Variants in CLECL1 observed in about 807,000 individuals in gnomAD.
CLECL1 encodes C-type lectin-like domain family 1.
chr12:9,730,449 T>C (rs766054160), intron 1 of CLECL1, among the ~76,000 whole-genome samples: 2 of 152,250 alleles, frequency 1.3e-5, no homozygotes, highest in Non-Finnish European at 2.9e-5. Flanking sequence ...TATTGAAATA[T>C]AATCATATCA....
chr12:9,725,790 A>G (rs758691567), intron 3 of CLECL1, among the ~76,000 whole-genome samples: 1 of 152,222 alleles, frequency 6.6e-6, no homozygotes, highest in Non-Finnish European at 1.5e-5. Context: ...AGAAATGAGG[A>G]AATCACTAAA....
exon 3 of CLECL1, chr12:9,716,251 T>C (rs777905743): frequency 6.6e-6 from 1 of 152,548 alleles, no homozygotes; most frequent in Non-Finnish European, 1.5e-5. Context: ...TCCATGCTTT[T>C]CCTGGAGCAG....
downstream of CLECL1, among the ~76,000 whole-genome samples, chr12:9,720,341 A>AT (rs777503358): frequency 0.033 from 4,441 of 133,432 alleles, 96 homozygotes; most frequent in African/African-American, 0.061. Context: ...CCACCTCTGT[A>AT]TTTTTTTTTT....
chr12:9,731,064 A>G (rs191380498), intron 1 of CLECL1, among the ~76,000 whole-genome samples: 4 of 152,342 alleles, frequency 2.6e-5, no homozygotes, highest in Admixed American at 6.5e-5. Flanking sequence ...ATTTCATAAA[A>G]AGACTAACAT....
At chr12:9,725,580 A>G (rs1307089831) in intron 3 of CLECL1, among the ~76,000 whole-genome samples, 1 of 152,138 alleles carries the variant, frequency 6.6e-6, no homozygotes, top group African/African-American at 2.4e-5. Context: ...AGAACAAGAT[A>G]GATAAATAAT....
At chr12:9,704,228 G>A in the CLECL1 span, 2 of 151,942 alleles carry the variant, frequency 1.3e-5, no homozygotes, top group African/African-American at 4.8e-5. Context: ...AATTTTAATT[G>A]CACAAGGAGA....
chr12:9,723,750 T>G (rs1866342739), intron 3 of CLECL1, among the ~76,000 whole-genome samples: 1 of 152,262 alleles, frequency 6.6e-6, no homozygotes, highest in South Asian at 2.1e-4. Flanking sequence ...CTAACTTGTG[T>G]GTACAATTTT....
At chr12:9,717,100 A>G (rs979553263) in intron 2 of CLECL1, among the ~76,000 whole-genome samples, 1 of 152,198 alleles carries the variant, frequency 6.6e-6, no homozygotes, top group Non-Finnish European at 1.5e-5. Flanking sequence ...GTGTTTTAAA[A>G]TAGCTTAGTT....
At chr12:9,702,996 A>G in the CLECL1 span, among the ~76,000 whole-genome samples, 2 of 152,252 alleles carry the variant, frequency 1.3e-5, no homozygotes, top group Admixed American at 1.3e-4. Flanking sequence ...TAACTAAACT[A>G]GTAGACAACC....
At chr12:9,718,579 G>A (rs1020877182), downstream of CLECL1, 7 of 422,614 alleles carry the variant, frequency 1.7e-5, no homozygotes, top group African/African-American at 1.4e-4. Flanking sequence ...AGTCCTAATC[G>A]CCACTATCTC....
At chr12:9,720,428 C>T (rs948353788), downstream of CLECL1, among the ~76,000 whole-genome samples, 4 of 151,456 alleles carry the variant, frequency 2.6e-5, no homozygotes, top group Admixed American at 6.6e-5. Context: ...CTGCAACCTC[C>T]GCCTCCCAGG....
At chr12:9,706,951 G>C in the CLECL1 span, among the ~76,000 whole-genome samples, 1 of 152,150 alleles carries the variant, frequency 6.6e-6, no homozygotes, top group African/African-American at 2.4e-5. Flanking sequence ...TATACATCTG[G>C]TTGAATTCAG....
chr12:9,708,795 G>A, the CLECL1 span: 1 of 174,248 alleles, frequency 5.7e-6, no homozygotes, highest in South Asian at 1.5e-4. Context: ...GGGGGACACT[G>A]GCTTTCTCTC....
the CLECL1 span, among the ~76,000 whole-genome samples, chr12:9,704,923 G>A: frequency 4.6e-5 from 7 of 152,088 alleles, no homozygotes; most frequent in South Asian, 2.1e-4. Context: ...TTGGGTATAC[G>A]CCCAGTAATT....
downstream of CLECL1, among the ~76,000 whole-genome samples, chr12:9,714,588 A>G (rs1866220841): frequency 6.6e-6 from 1 of 152,238 alleles, no homozygotes; most frequent in Admixed American, 6.5e-5. Context: ...GCTTTTGCCT[A>G]AGACAACTAA....
the CLECL1 span, among the ~76,000 whole-genome samples, chr12:9,707,266 A>G: frequency 6.6e-6 from 1 of 152,230 alleles, no homozygotes; most frequent in Non-Finnish European, 1.5e-5. Context: ...ATACCAGTTT[A>G]AAGTTCTGGC....
chr12:9,728,757 G>A (rs1189926398), intron 2 of CLECL1, among the ~76,000 whole-genome samples: 1 of 151,918 alleles, frequency 6.6e-6, no homozygotes, highest in Non-Finnish European at 1.5e-5. Flanking sequence ...CCATTGGCTA[G>A]TTACATTAAA....
At chr12:9,720,404 G>T (rs1263915229), downstream of CLECL1, among the ~76,000 whole-genome samples, 1 of 149,190 alleles carries the variant, frequency 6.7e-6, no homozygotes, top group African/African-American at 2.5e-5. Flanking sequence ...TGCGGTGGCT[G>T]CGATTATGGC....
chr12:9,722,495 T>G, downstream of CLECL1: 1 of 1,333,126 alleles, frequency 7.5e-7, no homozygotes, highest in Non-Finnish European at 9.6e-7. Flanking sequence ...AAGGTAATCA[T>G]GTAATTCAAC....
Sources: allele counts gnomAD v4.1 joint callset (sites outside exome capture counted in the v4.1 genomes callset), GRCh38; gene constraint gnomAD v4.1.1; transcripts MANE v1.5; gene names NCBI Gene and HGNC (gene_info 2026-07-23, HGNC 2026-07-21).